DNM3: variants seen among roughly 807,000 people sequenced by gnomAD.
The protein encoded by DNM3 is dynamin-3.
Under a neutral mutation model 101.6 loss-of-function variants are expected in DNM3, and 47 were observed. That is an observed-to-expected ratio of 0.46 (90% CI 0.37 to 0.59). DNM3 has a LOEUF of 0.59. DNM3 is among the 20% of genes least tolerant of loss of function. The pLI, the probability that DNM3 is intolerant of heterozygous loss-of-function variation, is 0.00. For synonymous variants in DNM3, 385 were observed against 387.9 expected (o/e 0.99, Z 0.09); for missense variants, 849 against 1,085.7 (o/e 0.78, Z 3.06).
chr1:172,054,864 C>T (rs562325426), intron 10 of DNM3, among the ~76,000 whole-genome samples: 33 of 152,168 alleles, frequency 2.2e-4, no homozygotes, highest in African/African-American at 7.7e-4. Flanking sequence ...GAGGCTGAGG[C>T]AGGAGAATTG....
chr1:172,183,035 AC>A (rs764988670), intron 14 of DNM3, among the ~76,000 whole-genome samples: 2 of 152,104 alleles, frequency 1.3e-5, no homozygotes, highest in Non-Finnish European at 2.9e-5. Flanking sequence ...TAAAAAGGCA[AC>A]TTTTTAACTA....
At chr1:172,029,537 C>A (rs1031484106) in intron 4 of DNM3, among the ~76,000 whole-genome samples, 1 of 152,078 alleles carries the variant, frequency 6.6e-6, no homozygotes, top group African/African-American at 2.4e-5. Flanking sequence ...TTCAACATAG[C>A]ATTGGAAGTT....
chr1:172,150,111 G>C (rs1484698366), intron 14 of DNM3, among the ~76,000 whole-genome samples: 1 of 152,120 alleles, frequency 6.6e-6, no homozygotes, highest in African/African-American at 2.4e-5. Context: ...TCCAACATAA[G>C]TCTGTTTAGC....
At chr1:172,016,573 G>A (rs2047468892) in intron 4 of DNM3, among the ~76,000 whole-genome samples, 1 of 152,158 alleles carries the variant, frequency 6.6e-6, no homozygotes, top group African/African-American at 2.4e-5. Flanking sequence ...TTCTTTGAAT[G>A]TCTTTATATG....
chr1:172,282,704 GA>G (rs1287942441), intron 15 of DNM3, among the ~76,000 whole-genome samples: 1 of 152,182 alleles, frequency 6.6e-6, no homozygotes, highest in African/African-American at 2.4e-5. Context: ...TCTGTGTCAG[GA>G]AGCACCTTTT....
At chr1:171,842,553 G>A (rs2031427100) in intron 1 of DNM3, among the ~76,000 whole-genome samples, 1 of 152,158 alleles carries the variant, frequency 6.6e-6, no homozygotes, top group Non-Finnish European at 1.5e-5. Flanking sequence ...TTGGCAGGGG[G>A]TGGACGTGGA....
intron 2 of DNM3, among the ~76,000 whole-genome samples, chr1:171,928,309 C>G (rs1001116124): frequency 5.9e-5 from 9 of 152,128 alleles, no homozygotes; most frequent in African/African-American, 2.2e-4. Flanking sequence ...CTTGGCATTC[C>G]TGGGCTTCTC....
intron 4 of DNM3, among the ~76,000 whole-genome samples, chr1:172,027,294 C>T (rs1042495301): frequency 6.6e-5 from 10 of 152,032 alleles, no homozygotes; most frequent in African/African-American, 2.4e-4. Flanking sequence ...AATTAAAAAA[C>T]ACAGACTGGG....
At chr1:172,132,224 C>T (rs553155880) in intron 14 of DNM3, among the ~76,000 whole-genome samples, 22 of 152,202 alleles carry the variant, frequency 1.4e-4, no homozygotes, top group Admixed American at 5.2e-4. Context: ...AAAGCATTAC[C>T]GGGTGCCTTT....
chr1:172,303,430 G>A (rs1270724119), intron 15 of DNM3, among the ~76,000 whole-genome samples: 1 of 152,192 alleles, frequency 6.6e-6, no homozygotes, highest in Admixed American at 6.5e-5. Context: ...AGTGATGGGA[G>A]AATGGAACCA....
chr1:172,416,053 A>T (rs1178162772), downstream of DNM3, among the ~76,000 whole-genome samples: 1 of 152,224 alleles, frequency 6.6e-6, no homozygotes, highest in Admixed American at 6.5e-5. Flanking sequence ...TGGCCAAAAC[A>T]TGCTGCTTTG....
chr1:171,947,557 G>C (rs903991325), intron 2 of DNM3, among the ~76,000 whole-genome samples: 1 of 152,104 alleles, frequency 6.6e-6, no homozygotes, highest in Admixed American at 6.6e-5. Context: ...CTTTTCAAGA[G>C]CTTATTAAGA....
chr1:172,331,833 A>C (rs184650705), intron 17 of DNM3, among the ~76,000 whole-genome samples: 241 of 152,320 alleles, frequency 1.6e-3, no homozygotes, highest in Middle Eastern at 3.4e-3. Flanking sequence ...CAAATTAATA[A>C]GGAAAGAAAA....
At chr1:171,992,576 T>C (rs1015787803) in intron 4 of DNM3, among the ~76,000 whole-genome samples, 1 of 152,156 alleles carries the variant, frequency 6.6e-6, no homozygotes, top group African/African-American at 2.4e-5. Flanking sequence ...TAAATGTTCA[T>C]GAACTTACCT....
intron 4 of DNM3, among the ~76,000 whole-genome samples, chr1:172,005,541 C>A (rs969384713): frequency 6.6e-6 from 1 of 151,998 alleles, no homozygotes; most frequent in South Asian, 2.1e-4. Flanking sequence ...AGGCTCCTTG[C>A]ACATTGATGG....
intron 17 of DNM3, among the ~76,000 whole-genome samples, chr1:172,375,571 T>G (rs2149047002): frequency 6.6e-6 from 1 of 152,154 alleles, no homozygotes; most frequent in African/African-American, 2.4e-5. Flanking sequence ...TATGACATGA[T>G]TAAATAAGAG....
chr1:172,006,459 C>T (rs892470619), intron 4 of DNM3, among the ~76,000 whole-genome samples: 1 of 152,002 alleles, frequency 6.6e-6, no homozygotes, highest in East Asian at 1.9e-4. Flanking sequence ...TCAGGCCAGG[C>T]CTTTTGTTTC....
At chr1:172,027,617 C>CACACACACACACACACACACACAGAGAG (rs34981346) in intron 4 of DNM3, among the ~76,000 whole-genome samples, 61 of 147,016 alleles carry the variant, frequency 4.1e-4, no homozygotes, top group African/African-American at 1.3e-3. Context: ...CACACACACA[C>CACACACACACACACACACACACAGAGAG]AGAGAGAGAG....
intron 1 of DNM3, among the ~76,000 whole-genome samples, chr1:171,917,865 A>G (rs554998571): frequency 3.9e-5 from 6 of 152,372 alleles, no homozygotes; most frequent in Non-Finnish European, 8.8e-5. Context: ...ATGTTTTCCC[A>G]TAAAACATGC....
Sources: allele counts gnomAD v4.1 joint callset (sites outside exome capture counted in the v4.1 genomes callset), GRCh38; gene constraint gnomAD v4.1.1; transcripts MANE v1.5; gene names NCBI Gene and HGNC (gene_info 2026-07-23, HGNC 2026-07-21).